Variants in TANC2 observed in about 807,000 individuals in gnomAD.
The protein encoded by TANC2 is tetratricopeptide repeat, ankyrin repeat and coiled-coil containing 2, also known as protein TANC2.
TANC2 carries 26 observed loss-of-function variants against 210.5 expected under a neutral mutation model. The observed-to-expected ratio is 0.12, with a 90% confidence interval of 0.09 to 0.17. The LOEUF (loss-of-function observed/expected upper bound fraction) is 0.17, where lower values mean the gene tolerates loss of function less well. Ranked by LOEUF, TANC2 falls within the 10% of genes least tolerant of loss-of-function variation. The probability of loss-of-function intolerance (pLI) is 1.00; values close to 1 mark genes in which losing one functional copy is unlikely to be tolerated. For missense variants in TANC2, 2,129 were observed against 2,608.9 expected (o/e 0.82, Z 4.01); for synonymous variants, 931 against 967.1 (o/e 0.96, Z 0.69).
intron 7 of TANC2, among the ~76,000 whole-genome samples, chr17:63,225,455 C>T (rs1174109338): frequency 2.6e-5 from 4 of 152,194 alleles, no homozygotes; most frequent in Non-Finnish European, 5.9e-5. Context: ...ATAACTTTGA[C>T]ATCTGACTCT....
At chr17:63,071,366 A>C (rs1244311725) in intron 2 of TANC2, among the ~76,000 whole-genome samples, 3 of 152,022 alleles carry the variant, frequency 2.0e-5, no homozygotes, top group African/African-American at 7.3e-5. Flanking sequence ...AGCATAGCTC[A>C]TTGTAACCTC....
chr17:63,050,592 A>C (rs1046329396), intron 2 of TANC2, among the ~76,000 whole-genome samples: 1 of 152,220 alleles, frequency 6.6e-6, no homozygotes, highest in African/African-American at 2.4e-5. Flanking sequence ...GATGAGAAAC[A>C]ATAAGCCAAG....
intron 11 of TANC2, among the ~76,000 whole-genome samples, chr17:63,331,024 C>T (rs181350699): frequency 4.6e-5 from 7 of 152,174 alleles, no homozygotes; most frequent in Admixed American, 2.6e-4. Context: ...TGCAGTGAGC[C>T]GAGATGACAC....
At chr17:63,221,320 G>A (rs1189123200) in intron 7 of TANC2, among the ~76,000 whole-genome samples, 1 of 151,624 alleles carries the variant, frequency 6.6e-6, no homozygotes, top group Non-Finnish European at 1.5e-5. Context: ...GTGTGTGCCT[G>A]TAATCCCAGC....
intron 15 of TANC2, among the ~76,000 whole-genome samples, chr17:63,382,242 C>A (rs767893511): frequency 2.6e-5 from 4 of 152,182 alleles, no homozygotes; most frequent in African/African-American, 9.7e-5. Context: ...GCTTTGTGGT[C>A]CATTTACTGG....
intron 2 of TANC2, among the ~76,000 whole-genome samples, chr17:63,037,435 A>G (rs1448037957): frequency 6.6e-5 from 10 of 152,154 alleles, no homozygotes; most frequent in Non-Finnish European, 1.3e-4. Flanking sequence ...GAAACCATAG[A>G]AAGAGAAATC....
At chr17:63,223,234 C>G (rs115439065) in intron 7 of TANC2, among the ~76,000 whole-genome samples, 35 of 152,304 alleles carry the variant, frequency 2.3e-4, no homozygotes, top group African/African-American at 8.2e-4. Context: ...AATTTGTTCA[C>G]TTTGATGCAG....
At chr17:63,314,913 G>C (rs781431356) in intron 10 of TANC2, among the ~76,000 whole-genome samples, 1 of 152,060 alleles carries the variant, frequency 6.6e-6, no homozygotes, top group Non-Finnish European at 1.5e-5. Context: ...TGACTCCTCC[G>C]TGCCGGCTGT....
chr17:63,140,332 A>G (rs2039243117), intron 4 of TANC2, among the ~76,000 whole-genome samples: 1 of 152,220 alleles, frequency 6.6e-6, no homozygotes. Flanking sequence ...ATAACAAACC[A>G]TCTTTAAAAT....
intron 2 of TANC2, among the ~76,000 whole-genome samples, chr17:63,018,510 TAAAC>T (rs913227665): frequency 5.3e-5 from 8 of 150,264 alleles, no homozygotes; most frequent in Non-Finnish European, 1.0e-4. Flanking sequence ...ATAAATAAAA[TAAAC>T]AAAAAATAAA....
intron 25 of TANC2, 57 bp from the exon 26 acceptor site, chr17:63,415,471 C>T: frequency 6.3e-7 from 1 of 1,595,340 alleles, no homozygotes; most frequent in Non-Finnish European, 8.6e-7. Flanking sequence ...GGGGACCACA[C>T]TTCCTCAGCT....
intron 2 of TANC2, among the ~76,000 whole-genome samples, chr17:63,053,127 T>C (rs114387877): frequency 0.011 from 1,720 of 152,302 alleles, 30 homozygotes; most frequent in African/African-American, 0.039. Flanking sequence ...GTTCCATCTC[T>C]TCATATAATC....
At chr17:63,228,030 A>C (rs770325081) in intron 7 of TANC2, among the ~76,000 whole-genome samples, 11 of 151,310 alleles carry the variant, frequency 7.3e-5, no homozygotes, top group Non-Finnish European at 1.5e-4. Flanking sequence ...TGCCCAGCTA[A>C]TTTTTGTATT....
chr17:63,418,607 A>G lies in TANC2; in HGVS notation c.4268+200A>G, dbSNP rs1384629419. On this transcript the variant is annotated intron_variant, in intron 27 of 27. Transcript: ENST00000689528. The surrounding 1 kb of genome is among the most constrained non-coding windows in gnomAD (Gnocchi z 4.6). ...ATCTGCTGGGCTGTGGAGGCCACGA[A>G]TGTTTCACTTCGGGAGAAAAACACT... Among the ~76,000 whole-genome samples the G allele has an allele frequency of 1.3e-5, 2 of 152,226 alleles. No homozygotes were observed. Among genetic ancestry groups the G allele is most frequent in the South Asian group, 2.1e-4 (1 of 4,834 alleles).
chr17:63,357,222 T>G (rs974499241), intron 14 of TANC2, among the ~76,000 whole-genome samples: 2 of 152,214 alleles, frequency 1.3e-5, no homozygotes, highest in African/African-American at 4.8e-5. Flanking sequence ...ATCTGGGACC[T>G]TAGATCCTGG....
intron 1 of TANC2, among the ~76,000 whole-genome samples, chr17:63,001,557 C>CTT (rs1245551616): frequency 2.7e-5 from 3 of 112,926 alleles, no homozygotes; most frequent in African/African-American, 6.4e-5. Flanking sequence ...TTCTTTCTTT[C>CTT]TTTTTTTTTT....
intron 26 of TANC2, 36 bp downstream of exon 26, chr17:63,415,710 C>T (rs758861502): frequency 2.0e-5 from 32 of 1,601,922 alleles, no homozygotes; most frequent in Non-Finnish European, 2.6e-5. Flanking sequence ...TTCTGCAATC[C>T]TGGTAGCTGA....
intron 12 of TANC2, among the ~76,000 whole-genome samples, chr17:63,346,892 AT>A (rs2046430511): frequency 6.7e-6 from 1 of 149,098 alleles, no homozygotes; most frequent in Non-Finnish European, 1.5e-5. Flanking sequence ...TTTTTCAGAG[AT>A]GGGGGTCTTG....
intron 7 of TANC2, among the ~76,000 whole-genome samples, chr17:63,228,302 T>C (rs1329880656): frequency 6.6e-6 from 1 of 152,240 alleles, no homozygotes; most frequent in African/African-American, 2.4e-5. Flanking sequence ...TCTGTTTTTG[T>C]ACTAGTACCA....
Sources: allele counts gnomAD v4.1 joint callset (sites outside exome capture counted in the v4.1 genomes callset), GRCh38; gene constraint gnomAD v4.1.1; non-coding constraint Gnocchi (gnomAD v3.1); transcripts MANE v1.5; gene names NCBI Gene and HGNC (gene_info 2026-07-23, HGNC 2026-07-21).